The following RANBP3 variants were observed in gnomAD, a reference collection of about 807,000 sequenced individuals.
RANBP3 encodes the protein ran-binding protein 3.
RANBP3 carries 14 observed loss-of-function variants against 77.3 expected under a neutral mutation model. The observed-to-expected ratio is 0.18, with a 90% confidence interval of 0.12 to 0.28. RANBP3 has a LOEUF of 0.28. RANBP3 is among the 10% of genes least tolerant of loss of function. RANBP3 has a pLI of 1.00. For missense variants in RANBP3, 586 were observed against 752.3 expected, an observed-to-expected ratio of 0.78 and a Z score of 2.59; for synonymous variants, 315 against 312.4, an observed-to-expected ratio of 1.01 and a Z score of -0.09.
At chr19:5,929,629 T>C (rs561020801) in intron 8 of RANBP3, among the ~76,000 whole-genome samples, 123 of 152,338 alleles carry the variant, frequency 8.1e-4, no homozygotes, top group African/African-American at 2.7e-3. Context: ...CCAAAGACGG[T>C]ACCAGGAGTT....
At chr19:5,918,124 G>T in intron 15 of RANBP3, 144 bp from the exon 16 acceptor site, 1 of 951,340 alleles carries the variant, frequency 1.1e-6, no homozygotes, top group Non-Finnish European at 1.5e-6. Flanking sequence ...TGGGCCTGCC[G>T]GCCTCTCCCC....
rs10414705 is a variant in RANBP3, at chr19:5,926,910, T to C, written c.813+1058A>G. 2.4e-3 allele frequency among the ~76,000 whole-genome samples: 358 copies of C among 152,282 alleles called. 2 individuals carry two copies. The highest frequency in any genetic ancestry group is 7.2e-3 in the African/African-American group (301 of 41,550). On this transcript the variant is annotated intron_variant, in intron 9 of 16. Coordinates refer to ENST00000340578, the MANE Select transcript of RANBP3 (RefSeq NM_007322.3). Reference sequence around the variant, plus strand: ...AAAACACAAGCCGGTGCTTTCTGCATGCTAGAGAGGTTTTTGTTTATTTCA... The same window carrying C: ...AAAACACAAGCCGGTGCTTTCTGCACGCTAGAGAGGTTTTTGTTTATTTCA...
chr19:5,966,439 C>T (rs867723758), intron 1 of RANBP3, among the ~76,000 whole-genome samples: 6 of 152,216 alleles, frequency 3.9e-5, no homozygotes, highest in South Asian at 2.1e-4. Context: ...TGCTTTCTGT[C>T]TTCATCTGTC....
intron 1 of RANBP3, among the ~76,000 whole-genome samples, chr19:5,965,136 T>G (rs1273048743): frequency 1.3e-5 from 2 of 149,750 alleles, no homozygotes; most frequent in South Asian, 2.1e-4. Flanking sequence ...TCTGAGGAGG[T>G]GGGGGGCTTG....
chr19:5,943,515 C>T (rs1475233492), intron 3 of RANBP3, among the ~76,000 whole-genome samples: 1 of 152,162 alleles, frequency 6.6e-6, no homozygotes, highest in Non-Finnish European at 1.5e-5. Context: ...AGCTTACAGG[C>T]CCAGGCCTGG....
In RANBP3 at chr19:5,927,979, C is replaced by A. The variant is rs1476478075; in HGVS notation, c.802G>T (p.Asp268Tyr). The change falls in exon 9 of 17, where the codon GAC becomes TAC. Residue 268 changes from aspartate (D) to tyrosine (Y), a missense_variant. By Grantham distance (160) the Asp-to-Tyr change is radical (BLOSUM62 -3). This residue lies in a region of RANBP3 where 232 missense variants were observed against 271.7 expected (regional missense o/e 0.85). Transcript: ENST00000340578. The part of the protein sequence containing the change: ...QAFVFGQNLR[D>Y]RVKLINESVD... ...AACAGCTCACATACCTTAACTCTGTCCCTCAAGTTCTGCCCAAATACAAAG... is the reference window on the plus strand; with the variant it reads ...AACAGCTCACATACCTTAACTCTGTACCTCAAGTTCTGCCCAAATACAAAG... 6.2e-7 allele frequency: 1 copy of A among 1,612,258 alleles called. No homozygotes were observed. The highest frequency in any genetic ancestry group is 8.5e-7 in the Non-Finnish European group (1 of 1,179,318).
chr19:5,943,121 C>T (rs190326781), intron 3 of RANBP3, among the ~76,000 whole-genome samples: 40 of 152,340 alleles, frequency 2.6e-4, no homozygotes, highest in Admixed American at 1.7e-3. Context: ...CAGCCCAAAG[C>T]GCACCGATGA....
chr19:5,922,207 A>G (rs1321291343), intron 13 of RANBP3, among the ~76,000 whole-genome samples: 1 of 152,218 alleles, frequency 6.6e-6, no homozygotes, highest in Non-Finnish European at 1.5e-5. Context: ...TGGATTATAT[A>G]GCATTTGTAC....
intron 8 of RANBP3, 54 bp downstream of exon 8, chr19:5,931,350 C>T (rs1028800483): frequency 1.3e-6 from 2 of 1,556,024 alleles, no homozygotes; most frequent in Admixed American, 1.8e-5. Context: ...AGGCTGCCCT[C>T]CCGCTCCCAA....
chr19:5,920,166 G>C (rs184744695), intron 14 of RANBP3, among the ~76,000 whole-genome samples: 5 of 152,254 alleles, frequency 3.3e-5, no homozygotes, highest in Non-Finnish European at 7.3e-5. Flanking sequence ...GGAGGCTGAG[G>C]TGGGAGGACT....
At chr19:5,927,120 A>G (rs1321717001) in intron 9 of RANBP3, among the ~76,000 whole-genome samples, 1 of 152,076 alleles carries the variant, frequency 6.6e-6, no homozygotes, top group Admixed American at 6.5e-5. Flanking sequence ...GCTTTGAAAG[A>G]AGCTTCTTGC....
At chr19:5,975,623 C>T (rs946202814) in intron 1 of RANBP3, among the ~76,000 whole-genome samples, 1 of 147,096 alleles carries the variant, frequency 6.8e-6, no homozygotes, top group African/African-American at 2.5e-5. Flanking sequence ...CCTCATGGAG[C>T]TTACATGGGG....
chr19:5,936,575 T>C (rs1046346676), intron 5 of RANBP3, among the ~76,000 whole-genome samples: 1 of 152,218 alleles, frequency 6.6e-6, no homozygotes, highest in Non-Finnish European at 1.5e-5. Context: ...CTAAAGACCA[T>C]GTTCCCTGAA....
At chr19:5,934,972 A>AG (rs1247660995) in intron 5 of RANBP3, among the ~76,000 whole-genome samples, 2 of 152,094 alleles carry the variant, frequency 1.3e-5, no homozygotes, top group African/African-American at 4.8e-5. Context: ...GGCTCAAGGG[A>AG]GGGGGTTGGG....
rs186535267 is a variant in RANBP3, at chr19:5,945,729, C to T, written c.283-3894G>A. On this transcript the variant is annotated intron_variant, in intron 3 of 16. Transcript: ENST00000340578. The stretch of plus-strand genomic sequence containing the variant: ...TATTTTGGGGGCTCTTTTGACGATA[C>T]CCATGCCTCTCAGGGATCATGGATG... Among the ~76,000 whole-genome samples, 33 of 152,244 alleles carry T rather than the reference C, an allele frequency of 2.2e-4. 1 individual carries two copies. The highest frequency in any genetic ancestry group is 7.5e-4 in the African/African-American group (31 of 41,524).
chr19:5,935,488 A>T (rs2058051874), intron 5 of RANBP3, among the ~76,000 whole-genome samples: 1 of 152,268 alleles, frequency 6.6e-6, no homozygotes, highest in African/African-American at 2.4e-5. Flanking sequence ...CATTTTTAAA[A>T]GGTCAAATTC....
In RANBP3 at chr19:5,924,174, G is replaced by A. The variant is rs1282075142; in HGVS notation, c.997-260C>T. Among the ~76,000 whole-genome samples, 2 of 152,222 alleles carry A rather than the reference G, an allele frequency of 1.3e-5. No individual in the cohort carries two copies. The highest frequency in any genetic ancestry group is 4.8e-5 in the African/African-American group (2 of 41,460). On this transcript the variant is annotated intron_variant, in intron 11 of 16. Transcript: ENST00000340578. The surrounding 1 kb of genome is among the most constrained non-coding windows in gnomAD (Gnocchi z 4.7). ...GAGGCAAGACTTTGAACATTTCATT[G>A]AAATAGAAAAAGCACAGCGTGGCCA...
intron 8 of RANBP3, chr19:5,928,323 A>G (rs1000542884): frequency 5.4e-6 from 2 of 367,386 alleles, no homozygotes; most frequent in East Asian, 4.5e-5. Flanking sequence ...CCTGTCTCCA[A>G]ACAACAAGAA....
chr19:5,964,464 A>T (rs982814630), intron 1 of RANBP3, among the ~76,000 whole-genome samples: 1 of 151,984 alleles, frequency 6.6e-6, no homozygotes, highest in African/African-American at 2.4e-5. Context: ...ACATCCCAGC[A>T]CCCACTGTGC....
Sources: gnomAD v4.1 joint callset for allele counts (sites outside exome capture counted in the v4.1 genomes callset) on GRCh38, gnomAD v4.1.1 for gene constraint, gnomAD v4.1.1 regional missense constraint, Gnocchi (gnomAD v3.1) non-coding constraint, MANE v1.5 for transcripts, NCBI Gene and HGNC (gene_info 2026-07-23, HGNC 2026-07-21) for gene names.